The following RNF6 variants were observed in gnomAD, a reference collection of about 807,000 sequenced individuals.
The protein encoded by RNF6 is ring finger protein 6.
RNF6 carries 21 observed loss-of-function variants against 50.1 expected under a neutral mutation model. That is an observed-to-expected ratio of 0.42 (90% CI 0.30 to 0.60). The LOEUF (loss-of-function observed/expected upper bound fraction) is 0.60, where lower values mean the gene tolerates loss of function less well. Among genes scored for constraint, RNF6 ranks in the 20% least tolerant of loss-of-function variants. RNF6 has a pLI of 0.20. For synonymous variants in RNF6, 255 were observed against 291.8 expected (o/e 0.87, Z 1.29); for missense variants, 698 against 838.2 (o/e 0.83, Z 2.07).
intron 5 of RNF6, among the ~76,000 whole-genome samples, chr13:26,152,148 G>A (rs987313272): frequency 6.6e-6 from 1 of 152,110 alleles, no homozygotes; most frequent in Non-Finnish European, 1.5e-5. Flanking sequence ...TCATATACTA[G>A]AGAAAAATTT....
intron 5 of RNF6, among the ~76,000 whole-genome samples, chr13:26,173,094 G>A (rs1047279121): frequency 2.0e-5 from 3 of 152,198 alleles, no homozygotes; most frequent in Admixed American, 6.5e-5. Context: ...CCAAAGATTG[G>A]CAAGACCACG....
chr13:26,171,990 A>G (rs897171580), intron 5 of RNF6, among the ~76,000 whole-genome samples: 4 of 152,198 alleles, frequency 2.6e-5, no homozygotes, highest in African/African-American at 9.6e-5. Context: ...GGTGATAAGT[A>G]ATAGTTGCAT....
At chr13:26,212,740 G>C (rs1169693917), downstream of RNF6, 4 of 151,154 alleles carry the variant, frequency 2.6e-5, no homozygotes, top group East Asian at 7.8e-4. Context: ...ATAAACCACA[G>C]TGGAACAACA....
In RNF6 at chr13:26,154,537, G is replaced by A. The variant is rs146084202; in HGVS notation, n.769-22086C>T. Among the ~76,000 whole-genome samples the A allele has an allele frequency of 6.9e-3, 1,052 of 152,152 alleles. 36 individuals carry two copies. Among genetic ancestry groups the A allele is most frequent in the Admixed American group, 0.063 (958 of 15,268 alleles). On this transcript the variant is annotated intron_variant and non_coding_transcript_variant, in intron 5 of 5. Coordinates refer to the RNF6 transcript ENST00000468480. ...GACCATTTGTTCATTTATTCACTCT[G>A]CAAATATTTATTGAGTAGCTGCCAC...
intron 5 of RNF6, among the ~76,000 whole-genome samples, chr13:26,168,008 A>G (rs1872530578): frequency 6.6e-6 from 1 of 152,216 alleles, no homozygotes; most frequent in Non-Finnish European, 1.5e-5. Context: ...GAACACATGG[A>G]CACAAAGAGG....
At chr13:26,205,036 C>A (rs1422705826) in intron 5 of RNF6, among the ~76,000 whole-genome samples, 1 of 152,138 alleles carries the variant, frequency 6.6e-6, no homozygotes, top group Non-Finnish European at 1.5e-5. Context: ...CACTCAGAGT[C>A]CCTGGAGCAA....
intron 4 of RNF6, 63 bp from the exon 5 acceptor site, chr13:26,215,655 A>G: frequency 7.2e-7 from 1 of 1,384,104 alleles, no homozygotes; most frequent in Non-Finnish European, 9.6e-7. Context: ...GCTTTATTGA[A>G]AACTTGTAAG....
chr13:26,200,129 T>C (rs1429797904), intron 5 of RNF6, among the ~76,000 whole-genome samples: 2 of 152,172 alleles, frequency 1.3e-5, no homozygotes, highest in African/African-American at 2.4e-5. Context: ...GAAATAAATA[T>C]TTGCTGTTTG....
At chr13:26,186,923 G>A (rs1281277163) in intron 5 of RNF6, among the ~76,000 whole-genome samples, 1 of 152,100 alleles carries the variant, frequency 6.6e-6, no homozygotes, top group Non-Finnish European at 1.5e-5. Flanking sequence ...GACTACAGGC[G>A]CCCGCCACCA....
At chr13:26,192,003 C>T (rs537116233) in intron 5 of RNF6, among the ~76,000 whole-genome samples, 1 of 152,188 alleles carries the variant, frequency 6.6e-6, no homozygotes, top group Non-Finnish European at 1.5e-5. Context: ...ATAATGGGAG[C>T]ATGTTTTTTG....
At chr13:26,170,669 A>C (rs572724462) in intron 5 of RNF6, among the ~76,000 whole-genome samples, 1 of 152,240 alleles carries the variant, frequency 6.6e-6, no homozygotes, top group African/African-American at 2.4e-5. Context: ...AAAGGTCTAA[A>C]CCTAAGCTAA....
intron 5 of RNF6, among the ~76,000 whole-genome samples, chr13:26,203,831 A>G (rs1403522046): frequency 1.3e-5 from 2 of 152,162 alleles, no homozygotes; most frequent in Non-Finnish European, 2.9e-5. Flanking sequence ...GCATGGAGGC[A>G]GGTGCCTGTA....
At chr13:26,208,933 A>G (rs586915), downstream of RNF6, among the ~76,000 whole-genome samples, 23,971 of 152,232 alleles carry the variant, frequency 0.16, 2,011 homozygotes, top group Middle Eastern at 0.18. Flanking sequence ...AGAGTCATAG[A>G]AAGATCCTCT....
intron 5 of RNF6, among the ~76,000 whole-genome samples, chr13:26,132,943 C>T (rs1870469740): frequency 6.6e-6 from 1 of 152,108 alleles, no homozygotes; most frequent in Non-Finnish European, 1.5e-5. Context: ...CCAGAATTTG[C>T]ATTTCTAACA....
rs561269752 is a variant in RNF6, at chr13:26,137,209, A to G, written n.769-4758T>C. The stretch of plus-strand genomic sequence containing the variant: ...AGCCTCTTCCTGATGCAGGAGGGTG[A>G]AATTTGTTGAAAATGTCTACAGAAA... On this transcript the variant is annotated intron_variant and non_coding_transcript_variant, in intron 5 of 5. Transcript: ENST00000468480. Among the ~76,000 whole-genome samples, 234 of 152,278 alleles carry G rather than the reference A, an allele frequency of 1.5e-3. 1 individual carries two copies. The highest frequency in any genetic ancestry group is 2.6e-3 in the Non-Finnish European group (175 of 68,006).
chr13:26,214,012 T>C lies in RNF6; in HGVS notation c.1870A>G (p.Ile624Val), dbSNP rs1215569319. 7.4e-6 allele frequency: 12 copies of C among 1,614,066 alleles called. No individual in the cohort carries two copies. The highest frequency in any genetic ancestry group is 1.0e-5 in the Non-Finnish European group (12 of 1,180,030). The stretch of plus-strand genomic sequence containing the variant: ...CAGATTTTACCTAGTTCACTATCAA[T>C]ACTGTTATGCTCATAGTGCCTGGTG... ...LSTRHYEHNS[I>V]DSELGKICSV... Residue 624 changes from isoleucine to valine, a missense_variant, in exon 5 of 5, where the codon ATT becomes GTT. By Grantham distance (29) the Ile-to-Val change is conservative. Coordinates refer to ENST00000381588, the MANE Select transcript of RNF6 (RefSeq NM_005977.4).
chr13:26,146,533 G>A (rs889543047), intron 5 of RNF6, among the ~76,000 whole-genome samples: 13 of 152,158 alleles, frequency 8.5e-5, no homozygotes, highest in African/African-American at 3.1e-4. Context: ...CATGGTGAAA[G>A]GTATGTTTTC....
At chr13:26,219,330 T>A (rs893698716) in intron 3 of RNF6, 127 bp downstream of exon 3, 2 of 811,376 alleles carry the variant, frequency 2.5e-6, no homozygotes, top group Admixed American at 3.2e-5. Context: ...GTTCTTAAAC[T>A]CACAAAAACA....
At chr13:26,138,217 G>A (rs1870749106) in intron 5 of RNF6, among the ~76,000 whole-genome samples, 1 of 151,976 alleles carries the variant, frequency 6.6e-6, no homozygotes, top group African/African-American at 2.4e-5. Flanking sequence ...AGTACTGGAA[G>A]GAAAAAATTG....
Sources: gnomAD v4.1 joint callset for allele counts (sites outside exome capture counted in the v4.1 genomes callset) on GRCh38, gnomAD v4.1.1 for gene constraint, MANE v1.5 for transcripts, NCBI Gene and HGNC (gene_info 2026-07-23, HGNC 2026-07-21) for gene names.